The following DUSP10 variants were observed in gnomAD, a reference collection of about 807,000 sequenced individuals.
DUSP10 encodes dual specificity phosphatase 10, also known as dual specificity protein phosphatase 10.
A neutral mutation model predicts 30.8 loss-of-function variants in DUSP10; 14 were observed. The observed-to-expected ratio is 0.46, with a 90% CI of 0.30 to 0.71. The LOEUF (loss-of-function observed/expected upper bound fraction) is 0.71, where lower values mean the gene tolerates loss of function less well. Among genes scored for constraint, DUSP10 ranks in the 30% least tolerant of loss-of-function variants. The probability of loss-of-function intolerance (pLI) is 0.08; values close to 1 mark genes in which losing one functional copy is unlikely to be tolerated. For missense variants in DUSP10, 550 were observed against 619.4 expected, an observed-to-expected ratio of 0.89 and a Z score of 1.19; for synonymous variants, 254 against 250.4, an observed-to-expected ratio of 1.01 and a Z score of -0.14.
In DUSP10 at chr1:221,719,768, C is replaced by T. The variant is rs1571819105; in HGVS notation, c.812-13302G>A. Among the ~76,000 whole-genome samples, 4 of 152,196 alleles carry T rather than the reference C, an allele frequency of 2.6e-5. No individual in the cohort carries two copies. The East Asian group carries it at 7.7e-4, about 29-fold the overall frequency. On this transcript the variant is annotated intron_variant, in intron 2 of 3. Coordinates refer to ENST00000366899, the MANE Select transcript of DUSP10 (RefSeq NM_007207.6). ...GTAACAAAAGCCCTGACAGCAAGGA[C>T]TCAGAGGGCAGCCCTTCCTTCCACA...
chr1:221,731,155 T>C (rs955743908), intron 2 of DUSP10, among the ~76,000 whole-genome samples: 74 of 152,236 alleles, frequency 4.9e-4, no homozygotes, highest in African/African-American at 1.7e-3. Flanking sequence ...GATGAGGGAT[T>C]CAAATCTTCC....
chr1:221,728,692 A>G (rs1661493290), intron 2 of DUSP10, among the ~76,000 whole-genome samples: 1 of 152,240 alleles, frequency 6.6e-6, no homozygotes. Flanking sequence ...CATCCACACT[A>G]ATAGGACAGA....
At chr1:221,712,665 A>G (rs911724275) in intron 2 of DUSP10, among the ~76,000 whole-genome samples, 1 of 150,346 alleles carries the variant, frequency 6.7e-6, no homozygotes, top group Admixed American at 6.7e-5. Context: ...ATATCTAAAA[A>G]TAAGTTAGTC....
chr1:221,709,833 C>T (rs1414634062), intron 2 of DUSP10, among the ~76,000 whole-genome samples: 1 of 152,078 alleles, frequency 6.6e-6, no homozygotes, highest in Non-Finnish European at 1.5e-5. Context: ...CGACCCTACC[C>T]CATCAAGTAT....
At chr1:221,737,016 A>G (rs746181015) in intron 2 of DUSP10, 3 of 985,512 alleles carry the variant, frequency 3.0e-6, no homozygotes, top group Non-Finnish European at 3.6e-6. Flanking sequence ...TAGGCTGTCC[A>G]GAATCTCAGC....
chr1:221,738,305 T>C (rs1387552682), intron 2 of DUSP10, among the ~76,000 whole-genome samples: 2 of 152,210 alleles, frequency 1.3e-5, no homozygotes, highest in Non-Finnish European at 2.9e-5. Flanking sequence ...GAGTGTTTCA[T>C]AAAAACGTCT....
intron 2 of DUSP10, among the ~76,000 whole-genome samples, chr1:221,721,655 C>T (rs1661280594): frequency 6.6e-6 from 1 of 152,108 alleles, no homozygotes; most frequent in African/African-American, 2.4e-5. Context: ...CACTTGGTGG[C>T]CTCTTACCCC....
intron 2 of DUSP10, among the ~76,000 whole-genome samples, chr1:221,727,753 T>A (rs1168100413): frequency 6.6e-6 from 1 of 152,202 alleles, no homozygotes; most frequent in African/African-American, 2.4e-5. Context: ...TACTTTTATA[T>A]TTCAGAATAA....
chr1:221,731,213 C>T (rs1661580263), intron 2 of DUSP10, among the ~76,000 whole-genome samples: 1 of 152,132 alleles, frequency 6.6e-6, no homozygotes. Context: ...ATCTTAGAGA[C>T]AGGTTTTCAT....
At position 221,741,988 on chromosome 1, in the gene DUSP10, A is replaced by G. The variant is rs1401956909; in HGVS notation, c.-51T>C. ...GCGGTGACTTCCACTTACTTCATAAATAAGTGTATTCCTCCACCATCTGGC... is the reference window on the plus strand; with the variant it reads ...GCGGTGACTTCCACTTACTTCATAAGTAAGTGTATTCCTCCACCATCTGGC... On this transcript the variant is annotated 5_prime_UTR_variant, in exon 1 of 4. Transcript: ENST00000366899. 2.6e-5 allele frequency: 4 copies of G among 152,302 alleles called. No individual in the cohort carries two copies. The highest frequency in any genetic ancestry group is 9.6e-5 in the African/African-American group (4 of 41,470). 9.4% of individuals were successfully genotyped at this position (152,302 alleles called of 1,614,324 possible).
intron 2 of DUSP10, among the ~76,000 whole-genome samples, chr1:221,711,204 T>C (rs111549273): frequency 6.6e-6 from 1 of 152,348 alleles, no homozygotes; most frequent in African/African-American, 2.4e-5. Context: ...TGTTGCTGTT[T>C]TGGCGACTGC....
In DUSP10 at chr1:221,739,073, A is replaced by T. The variant is rs1441379829; in HGVS notation, c.672T>A (p.Ser224=). ...DLISCREGKD[S]FKRIFSKEII... ...TTTCTTTGGAAAAGATCCTCTTGAA[A>T]GAGTCCTTGCCTTCCCTACAGGAAA... The change falls in exon 2 of 4, where the codon TCT becomes TCA. Residue 224 remains serine (S), a synonymous_variant. Transcript: ENST00000366899. 10 of 1,614,112 alleles carry T rather than the reference A, an allele frequency of 6.2e-6. No homozygotes were observed. Among genetic ancestry groups the T allele is most frequent in the African/African-American group, 1.3e-5 (1 of 74,922 alleles).
Position 221,739,440 on chromosome 1 carries a change from G to C in DUSP10, c.305C>G (p.Thr102Ser). 2 of 1,614,200 alleles carry C rather than the reference G, an allele frequency of 1.2e-6. No individual in the cohort carries two copies. The highest frequency in any genetic ancestry group is 2.7e-5 in the African/African-American group (2 of 75,030). ...AQTQAIAAGT[T>S]TTAIGTSTTC... ...GGTAGAGGTTCCGATGGCAGTGGTG[G>C]TGGTGCCAGCGGCAATGGCTTGGGT... Residue 102 changes from threonine (T) to serine (S), a missense_variant, in exon 2 of 4, where the codon ACC becomes AGC. Physicochemically the swap from Thr to Ser is moderately conservative, Grantham distance 58. Transcript: ENST00000366899.
chr1:221,734,364 C>T (rs1661703045), intron 2 of DUSP10, among the ~76,000 whole-genome samples: 1 of 152,196 alleles, frequency 6.6e-6, no homozygotes, highest in African/African-American at 2.4e-5. Flanking sequence ...AATTAGTTAA[C>T]AGTCACCAAG....
At chr1:221,704,186 A>C (rs7550105) in intron 3 of DUSP10, among the ~76,000 whole-genome samples, 46,012 of 152,180 alleles carry the variant, frequency 0.3, 7,672 homozygotes, top group African/African-American at 0.43. Context: ...CTGTGTTTTT[A>C]CTAAAGCAAG....
At chr1:221,727,761 T>A (rs755817980) in intron 2 of DUSP10, among the ~76,000 whole-genome samples, 11 of 152,196 alleles carry the variant, frequency 7.2e-5, no homozygotes, top group Non-Finnish European at 1.3e-4. Context: ...TATTTCAGAA[T>A]AAAAAATGCT....
intron 3 of DUSP10, among the ~76,000 whole-genome samples, chr1:221,705,718 C>T (rs979742865): frequency 2.6e-5 from 4 of 152,288 alleles, no homozygotes; most frequent in African/African-American, 4.8e-5. Flanking sequence ...TGCTCAACGG[C>T]GCTAGTAGAT....
chr1:221,722,366 C>G (rs1436580065), intron 2 of DUSP10, among the ~76,000 whole-genome samples: 1 of 152,146 alleles, frequency 6.6e-6, no homozygotes. Flanking sequence ...TTTGCTCTCC[C>G]CCTCTCAGAA....
At chr1:221,712,442 A>T (rs1000162568) in intron 2 of DUSP10, among the ~76,000 whole-genome samples, 1 of 152,206 alleles carries the variant, frequency 6.6e-6, no homozygotes, top group East Asian at 1.9e-4. Context: ...TGATCACGTC[A>T]TTTGACTGCT....
Sources: allele counts gnomAD v4.1 joint callset (sites outside exome capture counted in the v4.1 genomes callset), GRCh38; gene constraint gnomAD v4.1.1; transcripts MANE v1.5; gene names NCBI Gene and HGNC (gene_info 2026-07-23, HGNC 2026-07-21).